The following PTK2 variants were observed in gnomAD, a reference collection of about 807,000 sequenced individuals.
The protein encoded by PTK2 is focal adhesion kinase 1.
In PTK2, 45 loss-of-function variants were observed where a neutral mutation model predicts 150.1. The ratio of observed to expected loss-of-function variants is 0.30; its 90% CI spans 0.24 to 0.38. The LOEUF is 0.38. PTK2 is among the 10% of genes least tolerant of loss of function. The pLI, the probability that PTK2 is intolerant of heterozygous loss-of-function variation, is 1.00. For missense variants in PTK2, 919 were observed against 1,307.3 expected (o/e 0.70, Z 4.58); for synonymous variants, 432 against 449.2 (o/e 0.96, Z 0.48).
chr8:140,952,981 C>G (rs1397405297), intron 1 of PTK2, among the ~76,000 whole-genome samples: 1 of 152,208 alleles, frequency 6.6e-6, no homozygotes, highest in Admixed American at 6.5e-5. Flanking sequence ...TTACGCATAT[C>G]TCACAGCATC....
chr8:140,758,282 T>A (rs139673110), intron 16 of PTK2, among the ~76,000 whole-genome samples: 182 of 152,178 alleles, frequency 1.2e-3, no homozygotes, highest in African/African-American at 4.2e-3. Flanking sequence ...TGAGACAGGG[T>A]CTTACTAAGT....
chr8:140,840,136 G>A (rs982589627), intron 7 of PTK2, among the ~76,000 whole-genome samples: 20 of 152,296 alleles, frequency 1.3e-4, no homozygotes. Context: ...ATAGCTCACT[G>A]CAGCCACAAC....
intron 8 of PTK2, among the ~76,000 whole-genome samples, chr8:140,820,396 C>T (rs1199964188): frequency 2.0e-5 from 3 of 151,768 alleles, no homozygotes; most frequent in East Asian, 1.9e-4. Flanking sequence ...CCACCGCACC[C>T]GGCCTGAATT....
At chr8:140,716,465 G>A (rs2154257400) in intron 23 of PTK2, among the ~76,000 whole-genome samples, 1 of 152,274 alleles carries the variant, frequency 6.6e-6, no homozygotes, top group South Asian at 2.1e-4. Context: ...ACATCCATCA[G>A]ACAGGTATGT....
chr8:140,819,790 AT>A (rs1338922356), intron 8 of PTK2, among the ~76,000 whole-genome samples: 1 of 152,214 alleles, frequency 6.6e-6, no homozygotes, highest in Non-Finnish European at 1.5e-5. Context: ...TGCTTTTTTC[AT>A]GAAGTAAGAT....
At chr8:140,696,138 C>T (rs1368123036) in intron 26 of PTK2, among the ~76,000 whole-genome samples, 5 of 152,126 alleles carry the variant, frequency 3.3e-5, no homozygotes, top group Non-Finnish European at 7.3e-5. Flanking sequence ...CTTATTACTG[C>T]TGAACAAACG....
At chr8:140,898,229 T>C (rs1023733751) in intron 2 of PTK2, among the ~76,000 whole-genome samples, 1 of 152,232 alleles carries the variant, frequency 6.6e-6, no homozygotes, top group Non-Finnish European at 1.5e-5. Context: ...AAAATTACTA[T>C]CAAATTGCTG....
At chr8:140,837,873 A>G (rs2100119745) in intron 7 of PTK2, among the ~76,000 whole-genome samples, 1 of 152,168 alleles carries the variant, frequency 6.6e-6, no homozygotes, top group Non-Finnish European at 1.5e-5. Flanking sequence ...AGCCTGGCCA[A>G]CATGGTAAAA....
intron 29 of PTK2, among the ~76,000 whole-genome samples, chr8:140,670,469 A>AC (rs1413018450): frequency 5.1e-5 from 4 of 79,118 alleles, no homozygotes; most frequent in African/African-American, 4.2e-5. Context: ...AAAAAAAAAA[A>AC]AAAAAAAAAA....
chr8:140,964,237 T>C (rs902296766), intron 1 of PTK2, among the ~76,000 whole-genome samples: 1 of 152,146 alleles, frequency 6.6e-6, no homozygotes, highest in African/African-American at 2.4e-5. Context: ...AATTTGCCTG[T>C]TTTTTAAGAG....
chr8:140,690,338 T>A (rs939900655), intron 26 of PTK2, among the ~76,000 whole-genome samples: 2 of 152,014 alleles, frequency 1.3e-5, no homozygotes, highest in Non-Finnish European at 2.9e-5. Flanking sequence ...TCATAGTGCA[T>A]TACAGCCTCG....
At chr8:140,976,495 C>T (rs771586367) in intron 1 of PTK2, among the ~76,000 whole-genome samples, 2 of 152,172 alleles carry the variant, frequency 1.3e-5, no homozygotes, top group Non-Finnish European at 2.9e-5. Context: ...GGGAAAGCAA[C>T]ACAAAATTAA....
intron 2 of PTK2, among the ~76,000 whole-genome samples, chr8:140,924,153 C>T (rs371007531): frequency 4.6e-5 from 7 of 152,158 alleles, no homozygotes; most frequent in Admixed American, 2.0e-4. Flanking sequence ...TCCCTGCCCA[C>T]GTCAGGGACT....
chr8:140,864,020 C>T (rs2100137830), intron 5 of PTK2, among the ~76,000 whole-genome samples: 1 of 152,158 alleles, frequency 6.6e-6, no homozygotes. Flanking sequence ...ATGACAAATT[C>T]ATTGCTATTC....
At chr8:140,806,418 C>T (rs537420780) in intron 10 of PTK2, among the ~76,000 whole-genome samples, 3 of 152,132 alleles carry the variant, frequency 2.0e-5, no homozygotes, top group East Asian at 1.9e-4. Flanking sequence ...ATGTCGGAGG[C>T]GCCTTCCAAC....
intron 27 of PTK2, among the ~76,000 whole-genome samples, chr8:140,683,646 T>C (rs1401115574): frequency 6.6e-6 from 1 of 151,906 alleles, no homozygotes; most frequent in East Asian, 1.9e-4. Context: ...AACAAAAAGC[T>C]AATCCACCAC....
At chr8:140,842,957 C>T (rs569958171) in intron 7 of PTK2, among the ~76,000 whole-genome samples, 1 of 152,106 alleles carries the variant, frequency 6.6e-6, no homozygotes. Context: ...GTGTCTAGCT[C>T]TCCTGTTTCA....
intron 7 of PTK2, among the ~76,000 whole-genome samples, chr8:140,831,480 G>A (rs933958089): frequency 4.6e-5 from 7 of 152,170 alleles, no homozygotes; most frequent in African/African-American, 9.7e-5. Flanking sequence ...GTTAGCTGAC[G>A]TTATAAACAA....
chr8:140,777,862 C>CCTGA (rs1039669695), intron 14 of PTK2, among the ~76,000 whole-genome samples: 1 of 152,176 alleles, frequency 6.6e-6, no homozygotes, highest in African/African-American at 2.4e-5. Flanking sequence ...AGTCAGGAAG[C>CCTGA]CTGACTATGT....
Sources: allele counts gnomAD v4.1 joint callset (sites outside exome capture counted in the v4.1 genomes callset), GRCh38; gene constraint gnomAD v4.1.1; transcripts MANE v1.5; gene names NCBI Gene and HGNC (gene_info 2026-07-23, HGNC 2026-07-21).